Variants in CCDC85C observed in about 807,000 individuals in gnomAD.
CCDC85C encodes coiled-coil domain-containing protein 85C.
In CCDC85C, 18 loss-of-function variants were observed where a neutral mutation model predicts 38.3. The ratio of observed to expected loss-of-function variants is 0.47; its 90% confidence interval spans 0.33 to 0.70. CCDC85C has a LOEUF of 0.70. Among genes scored for constraint, CCDC85C ranks in the 30% least tolerant of loss-of-function variants. The pLI, the probability that CCDC85C is intolerant of heterozygous loss-of-function variation, is 0.03. For synonymous variants in CCDC85C, 264 were observed against 293.8 expected (o/e 0.90, Z 1.04); for missense variants, 566 against 621.2 (o/e 0.91, Z 0.94).
rs551248600 is a variant in CCDC85C at position 99,602,247 on chromosome 14, G to C, written c.793+920C>G. On this transcript the variant is annotated intron_variant, in intron 1 of 5. Transcript: ENST00000380243. The stretch of plus-strand genomic sequence containing the variant: ...GGGCTGAGCAGGGGGCTGGGAGAGG[G>C]AGCAGGCTGCAAGCTCCCACAGCCC... 1.2e-3 allele frequency among the ~76,000 whole-genome samples: 187 copies of C among 152,288 alleles called. 2 individuals carry two copies. The highest frequency in any genetic ancestry group is 2.2e-3 in the Non-Finnish European group (152 of 68,010).
Position 99,554,191 on chromosome 14 carries a change from G to A in CCDC85C, c.794-18103C>T, listed in dbSNP as rs556280116. ...CACACCCTCAGCTCCAGTAACTGAA[G>A]AGGACTGTGGCCATCCCAGCACACG... is the stretch of plus-strand genomic sequence containing the variant. On this transcript the variant is annotated intron_variant, in intron 1 of 5. Transcript: ENST00000380243. Among the ~76,000 whole-genome samples, 17 of 152,258 alleles carry A rather than the reference G, an allele frequency of 1.1e-4. No homozygotes were observed. In the East Asian group the frequency reaches 3.3e-3, roughly 29 times the overall value.
In CCDC85C at chr14:99,514,454, C is replaced by T. The variant is rs982380824; in HGVS notation, c.*792G>A. On this transcript the variant is annotated 3_prime_UTR_variant, in exon 6 of 6. Coordinates refer to ENST00000380243, the MANE Select transcript of CCDC85C (RefSeq NM_001144995.2). ...TCAGCCCAGAAACTCTCCCCAGGCC[C>T]TTCCTGTTACTGGCCTGTCATGTAA... 1.3e-5 allele frequency: 2 copies of T among 152,374 alleles called. No individual in the cohort carries two copies. The highest frequency in any genetic ancestry group is 4.8e-5 in the African/African-American group (2 of 41,448). 9.4% of individuals were successfully genotyped at this position (152,374 alleles called of 1,614,324 possible).
intron 1 of CCDC85C, among the ~76,000 whole-genome samples, chr14:99,595,094 G>A (rs2055129098): frequency 6.6e-6 from 1 of 152,200 alleles, no homozygotes; most frequent in Admixed American, 6.5e-5. Flanking sequence ...GACAGTAGAA[G>A]AGGCTTCAAA....
At chr14:99,589,289 A>T (rs2055060398) in intron 1 of CCDC85C, among the ~76,000 whole-genome samples, 1 of 152,150 alleles carries the variant, frequency 6.6e-6, no homozygotes, top group African/African-American at 2.4e-5. Flanking sequence ...CAACAGACAC[A>T]GCCAGGACGG....
intron 1 of CCDC85C, among the ~76,000 whole-genome samples, chr14:99,575,646 C>T (rs1429207013): frequency 6.6e-6 from 1 of 152,212 alleles, no homozygotes; most frequent in Admixed American, 6.5e-5. Context: ...TGTGCCTCTG[C>T]GCACAGCGGA....
intron 1 of CCDC85C, among the ~76,000 whole-genome samples, chr14:99,550,856 C>T (rs537826572): frequency 6.6e-6 from 1 of 152,198 alleles, no homozygotes; most frequent in Non-Finnish European, 1.5e-5. Context: ...GGTACCATAA[C>T]AGGCCTGGGG....
chr14:99,517,353 A>G (rs1897243573), intron 3 of CCDC85C, among the ~76,000 whole-genome samples, 170 bp from the exon 4 acceptor site: 1 of 152,134 alleles, frequency 6.6e-6, no homozygotes, highest in African/African-American at 2.4e-5. Flanking sequence ...AGGAGCCCAC[A>G]GCCAGTCTGG....
At chr14:99,579,090 G>A (rs1287581432) in intron 1 of CCDC85C, among the ~76,000 whole-genome samples, 2 of 152,188 alleles carry the variant, frequency 1.3e-5, no homozygotes, top group African/African-American at 4.8e-5. Context: ...AGGTGCTCAG[G>A]TCACACCATG....
chr14:99,579,823 G>A lies in CCDC85C; in HGVS notation c.793+23344C>T, dbSNP rs2054945806. ...ATCCCACTCAGGAGTGGGGATGGGG[G>A]ATCCCATCTCACTAATGAGGAAACT... On this transcript the variant is annotated intron_variant, in intron 1 of 5. Transcript: ENST00000380243. 2.6e-5 allele frequency among the ~76,000 whole-genome samples: 4 copies of A among 152,172 alleles called. No homozygotes were observed. The South Asian group carries it at 8.3e-4, about 32-fold the overall frequency.
chr14:99,555,533 C>T (rs1318033863), intron 1 of CCDC85C, among the ~76,000 whole-genome samples: 1 of 152,186 alleles, frequency 6.6e-6, no homozygotes, highest in Non-Finnish European at 1.5e-5. Flanking sequence ...ATAATAAGAG[C>T]CAGGGATTAC....
At chr14:99,540,654 C>T (rs1481754458) in intron 1 of CCDC85C, among the ~76,000 whole-genome samples, 1 of 152,220 alleles carries the variant, frequency 6.6e-6, no homozygotes, top group African/African-American at 2.4e-5. Context: ...GCTCCCCTAA[C>T]CCGTCTGGGG....
intron 1 of CCDC85C, among the ~76,000 whole-genome samples, chr14:99,556,229 C>A (rs569441190): frequency 6.6e-6 from 1 of 152,184 alleles, no homozygotes; most frequent in Non-Finnish European, 1.5e-5. Context: ...CCAGTCTGGG[C>A]AACATAGCGG....
intron 1 of CCDC85C, among the ~76,000 whole-genome samples, chr14:99,561,941 G>A (rs763768147): frequency 9.2e-5 from 14 of 152,180 alleles, no homozygotes; most frequent in African/African-American, 1.2e-4. Flanking sequence ...ATGCAGTGAC[G>A]TGCTTATCCC....
rs760843012 is a variant in CCDC85C at position 99,510,123 on chromosome 14, G to A, written c.*5123C>T. 5 of 1,568,780 alleles carry A rather than the reference G, an allele frequency of 3.2e-6. No individual in the cohort carries two copies. Among genetic ancestry groups the A allele is most frequent in the Non-Finnish European group, 4.3e-6 (5 of 1,162,744 alleles). On this transcript the variant is annotated 3_prime_UTR_variant, in exon 6 of 6. Coordinates refer to ENST00000380243, the MANE Select transcript of CCDC85C (RefSeq NM_001144995.2). Reference sequence around the variant, plus strand: ...CACTGAAAAAGCAACCATTGCTGGCGGAGGCCGGGCACTGATGCGTCTCTC... The same window carrying A: ...CACTGAAAAAGCAACCATTGCTGGCAGAGGCCGGGCACTGATGCGTCTCTC...
chr14:99,564,673 T>C (rs544639252), intron 1 of CCDC85C, among the ~76,000 whole-genome samples: 4 of 152,348 alleles, frequency 2.6e-5, no homozygotes, highest in African/African-American at 7.2e-5. Context: ...AGGAAGTATC[T>C]GGCTGGGGCA....
chr14:99,538,182 GA>G (rs1210371022), intron 1 of CCDC85C, among the ~76,000 whole-genome samples: 1 of 152,184 alleles, frequency 6.6e-6, no homozygotes, highest in Non-Finnish European at 1.5e-5. Flanking sequence ...TCCAGGTGCA[GA>G]GGCCACAAGG....
chr14:99,521,576 C>T (rs1897303659), intron 3 of CCDC85C, among the ~76,000 whole-genome samples: 1 of 152,228 alleles, frequency 6.6e-6, no homozygotes, highest in African/African-American at 2.4e-5. Context: ...CGTGAAGTCC[C>T]ACAAGGCAAG....
At chr14:99,541,420 C>T (rs1324114788) in intron 1 of CCDC85C, among the ~76,000 whole-genome samples, 2 of 152,204 alleles carry the variant, frequency 1.3e-5, no homozygotes, top group African/African-American at 4.8e-5. Flanking sequence ...GCTCCTGTCT[C>T]ACACACGCCT....
Position 99,591,738 on chromosome 14 carries a change from T to TC in CCDC85C, c.793+11428_793+11429insG, listed in dbSNP as rs925978997. Among the ~76,000 whole-genome samples the TC allele has an allele frequency of 7.4e-5, 11 of 149,226 alleles. 1 individual carries two copies. Among genetic ancestry groups the TC allele is most frequent in the Admixed American group, 6.0e-4 (9 of 15,084 alleles). On this transcript the variant is annotated intron_variant, in intron 1 of 5. Coordinates refer to ENST00000380243, the MANE Select transcript of CCDC85C (RefSeq NM_001144995.2). ...TCAGGTTTCTTGGTTTCTTTTCTTT[T>TC]TTTTTTTTTTTTTGGAAATGGAGTC...
Sources: gnomAD v4.1 joint callset for allele counts (sites outside exome capture counted in the v4.1 genomes callset) on GRCh38, gnomAD v4.1.1 for gene constraint, MANE v1.5 for transcripts, NCBI Gene and HGNC (gene_info 2026-07-23, HGNC 2026-07-21) for gene names.